The following AXIN1 variants were observed in gnomAD, a reference collection of about 807,000 sequenced individuals.
The protein encoded by AXIN1 is axin 1, also known as axin-1.
In AXIN1, 30 loss-of-function variants were observed where a neutral mutation model predicts 76.4. The ratio of observed to expected loss-of-function variants is 0.39; its 90% CI spans 0.29 to 0.53. The LOEUF is 0.53. Ranked by LOEUF, AXIN1 falls within the 20% of genes least tolerant of loss-of-function variation. AXIN1 has a pLI of 0.66. For synonymous variants in AXIN1, 545 were observed against 501.4 expected, an observed-to-expected ratio of 1.09 and a Z score of -1.16; for missense variants, 1,140 against 1,198.8, an observed-to-expected ratio of 0.95 and a Z score of 0.72.
intron 2 of AXIN1, among the ~76,000 whole-genome samples, chr16:345,923 A>C (rs575499253): frequency 2.6e-5 from 4 of 152,382 alleles, no homozygotes; most frequent in South Asian, 2.1e-4. Context: ...TCATAAAGTC[A>C]TATATTTTAG....
At position 287,840 on chromosome 16, in the gene AXIN1, C is replaced by T. The variant is rs2052425289; in HGVS notation, c.*282G>A. ...GGTGCCGGGGGATGGGGGGGGGTCA[C>T]CTGAAGCTGGCAGCAGGGACCTCGG... On this transcript the variant is annotated 3_prime_UTR_variant, in exon 11 of 11. Coordinates refer to ENST00000262320, the MANE Select transcript of AXIN1 (RefSeq NM_003502.4). The T allele has an allele frequency of 3.2e-5, 17 of 536,334 alleles. No individual in the cohort carries two copies. In the Admixed American group the frequency reaches 5.0e-4, roughly 16 times the overall value. 33.2% of individuals were successfully genotyped at this position (536,334 alleles called of 1,614,324 possible).
At chr16:290,013 G>A (rs2052509449) in intron 9 of AXIN1, 1 of 307,004 alleles carries the variant, frequency 3.3e-6, no homozygotes, top group Non-Finnish European at 6.3e-6. Context: ...ACGATTTCTG[G>A]ATAAGCCTGA....
intron 2 of AXIN1, among the ~76,000 whole-genome samples, chr16:341,361 C>G (rs1201122862): frequency 1.3e-5 from 2 of 152,240 alleles, no homozygotes; most frequent in Non-Finnish European, 2.9e-5. Flanking sequence ...CTCAGAGCAG[C>G]CGGCCAGCCC....
At chr16:309,052 G>A (rs548273829) in intron 4 of AXIN1, among the ~76,000 whole-genome samples, 19 of 152,184 alleles carry the variant, frequency 1.2e-4, no homozygotes, top group South Asian at 8.3e-4. Flanking sequence ...CTAACAGTGC[G>A]TTGCGCAGTG....
chr16:352,518 C>G lies in AXIN1; in HGVS notation c.-231G>C, dbSNP rs1357271445. 1.4e-6 allele frequency: 1 copy of G among 735,878 alleles called. No individual in the cohort carries two copies. Among genetic ancestry groups the G allele is most frequent in the Non-Finnish European group, 1.7e-6 (1 of 605,250 alleles). The allele number at this position is 735,878 out of a possible 1,614,324, so 45.6% of individuals were successfully genotyped here. ...CATCTCGGCGGCTGCGGCTCGGCGG[C>G]CCGGAGGCGGACGCGGGGCAGGCCG... is the stretch of plus-strand genomic sequence containing the variant. On this transcript the variant is annotated 5_prime_UTR_variant, in exon 1 of 11. Transcript: ENST00000262320.
rs759555987 is a variant in AXIN1, at chr16:293,568, G to A, written c.2106C>T (p.Asn702=). Residue 702 remains asparagine, a synonymous_variant, in exon 8 of 11, where the codon AAC becomes AAT. Transcript: ENST00000262320. This position sits in a 1 kb window ranked among gnomAD's most constrained non-coding sequence, Gnocchi z 4.6. ...DPTMPPHPAP[N]PLTQLEEARR... is the part of the protein sequence containing the mutation. ...GCGCCTCCTCCAGCTGGGTTAGGGG[G>A]TTGGGAGCTGGGTGGGGTGGCATGG... is the stretch of plus-strand genomic sequence containing the variant. 1.9e-6 allele frequency: 3 copies of A among 1,612,314 alleles called. No homozygotes were observed. The East Asian group carries it at 6.7e-5, about 36-fold the overall frequency.
intron 3 of AXIN1, among the ~76,000 whole-genome samples, chr16:313,975 G>A (rs574847708): frequency 2.3e-4 from 35 of 152,322 alleles, no homozygotes; most frequent in African/African-American, 7.9e-4. Context: ...TGGGTGACAG[G>A]GACAAGACAG....
intron 2 of AXIN1, among the ~76,000 whole-genome samples, chr16:327,547 T>C (rs1310182256): frequency 6.6e-6 from 1 of 152,232 alleles, no homozygotes; most frequent in African/African-American, 2.4e-5. Flanking sequence ...AGGCCCTTTA[T>C]GATCAAAATC....
intron 9 of AXIN1, 156 bp downstream of exon 9, chr16:291,034 T>G: frequency 2.8e-6 from 2 of 725,386 alleles, no homozygotes; most frequent in East Asian, 5.4e-5. Flanking sequence ...CTCGGGCAGC[T>G]TCGAGTCTGA....
chr16:352,469 G>C lies in AXIN1; in HGVS notation c.-182C>G, dbSNP rs1431567577. 1.0e-6 allele frequency: 1 copy of C among 963,570 alleles called. No individual in the cohort carries two copies. The highest frequency in any genetic ancestry group is 6.4e-5 in the Admixed American group (1 of 15,682). 59.7% of individuals were successfully genotyped at this position (963,570 alleles called of 1,614,324 possible). On this transcript the variant is annotated 5_prime_UTR_variant, in exon 1 of 11. Transcript: ENST00000262320. ...GGCAGCGCGGCGGGCGGGACCCGGC[G>C]GGGGCGCGGCCCGGGGCGGCCCCCA... is the stretch of plus-strand genomic sequence containing the variant.
At chr16:338,145 AG>A (rs2053844603) in intron 2 of AXIN1, among the ~76,000 whole-genome samples, 1 of 152,214 alleles carries the variant, frequency 6.6e-6, no homozygotes, top group Non-Finnish European at 1.5e-5. Flanking sequence ...CGATAACTGC[AG>A]GGTACGCTGC....
In AXIN1 at chr16:293,783, T is replaced by C; in HGVS notation, c.1956-65A>G. ...CCCTGGCCAGGTGGCCTGGTGGGGC[T>C]ACACTCATCTCACAAGGGCAGCCTC... On this transcript the variant is annotated intron_variant, in intron 7 of 10. Coordinates refer to ENST00000262320, the MANE Select transcript of AXIN1 (RefSeq NM_003502.4). The surrounding 1 kb of genome is among the most constrained non-coding windows in gnomAD (Gnocchi z 4.6). 1 of 1,501,448 alleles carries C rather than the reference T, an allele frequency of 6.7e-7. No individual in the cohort carries two copies. Among genetic ancestry groups the C allele is most frequent in the Non-Finnish European group, 9.2e-7 (1 of 1,085,282 alleles). 93.0% of individuals were successfully genotyped at this position (1,501,448 alleles called of 1,614,324 possible).
rs754163738 is a variant in AXIN1, at chr16:297,729, C to T, written c.1777G>A (p.Ala593Thr). The T allele has an allele frequency of 4.4e-6, 7 of 1,597,818 alleles. No individual in the cohort carries two copies. The highest frequency in any genetic ancestry group is 5.1e-6 in the Non-Finnish European group (6 of 1,175,122). Reference protein sequence around the residue: ...GAAPNASDGLAHSGKVGVACK... With the variant: ...GAAPNASDGLTHSGKVGVACK... ...TGACAGGCGCACGCTCACCTGTGGGCGAGGCCATCACTGGCGTTGGGGGCA... is the reference window on the plus strand; with the variant it reads ...TGACAGGCGCACGCTCACCTGTGGGTGAGGCCATCACTGGCGTTGGGGGCA... The change falls in exon 6 of 11, where the codon GCC becomes ACC. Residue 593 changes from alanine (A) to threonine (T), a missense_variant. By Grantham distance (58) the Ala-to-Thr change is moderately conservative. Around this residue, in one of 3 missense-constraint regions of AXIN1, gnomAD observed 429 missense variants for 405.8 expected, o/e 1.06. Coordinates refer to ENST00000262320, the MANE Select transcript of AXIN1 (RefSeq NM_003502.4).
rs527251369 is a variant in AXIN1 at position 346,309 on chromosome 16, C to T, written c.717G>A (p.Pro239=). ...TCCATTCCTCATCTTCATTTAAGGT[C>T]GGCAGGTATCCAGATATGCCCTTCC... ...GTGKGISGYL[P]TLNEDEEWKC... The change falls in exon 2 of 11, where the codon CCG becomes CCA. Residue 239 remains proline (P), a synonymous_variant. Coordinates refer to ENST00000262320, the MANE Select transcript of AXIN1 (RefSeq NM_003502.4). 3.0e-5 allele frequency: 48 copies of T among 1,614,194 alleles called. No individual in the cohort carries two copies. Among genetic ancestry groups the T allele is most frequent in the South Asian group, 2.4e-4 (22 of 91,082 alleles).
intron 2 of AXIN1, among the ~76,000 whole-genome samples, chr16:344,007 C>CAAAAA (rs35154860): frequency 1.5e-5 from 2 of 129,780 alleles, no homozygotes; most frequent in Non-Finnish European, 1.7e-5. Flanking sequence ...GACTCCATTT[C>CAAAAA]AAAAAAAAAA....
At chr16:301,218 C>G (rs2052862774) in intron 5 of AXIN1, among the ~76,000 whole-genome samples, 1 of 150,796 alleles carries the variant, frequency 6.6e-6, no homozygotes, top group African/African-American at 2.4e-5. Flanking sequence ...TTGCAGTGAG[C>G]TGAGATCGTG....
chr16:300,576 C>A (rs1567268577), intron 5 of AXIN1, among the ~76,000 whole-genome samples: 1 of 152,194 alleles, frequency 6.6e-6, no homozygotes, highest in Non-Finnish European at 1.5e-5. Flanking sequence ...TATCCAAATG[C>A]AACTGGAACA....
chr16:331,451 C>T (rs1177054375), intron 2 of AXIN1, among the ~76,000 whole-genome samples: 4 of 152,148 alleles, frequency 2.6e-5, no homozygotes, highest in African/African-American at 9.7e-5. Context: ...AGGAAGAAGC[C>T]TCTGTCTGGA....
At chr16:320,743 A>ATTTATTT (rs2053429352) in intron 2 of AXIN1, among the ~76,000 whole-genome samples, 1 of 107,664 alleles carries the variant, frequency 9.3e-6, no homozygotes, top group Non-Finnish European at 1.7e-5. Context: ...ATATATATAT[A>ATTTATTT]TTTTTTTTTT....
Sources: gnomAD v4.1 joint callset for allele counts (sites outside exome capture counted in the v4.1 genomes callset) on GRCh38, gnomAD v4.1.1 for gene constraint, gnomAD v4.1.1 regional missense constraint, Gnocchi (gnomAD v3.1) non-coding constraint, MANE v1.5 for transcripts, NCBI Gene and HGNC (gene_info 2026-07-23, HGNC 2026-07-21) for gene names.